Variants in ATF7IP2 observed in about 807,000 individuals in gnomAD.
The protein encoded by ATF7IP2 is activating transcription factor 7 interacting protein 2, also known as activating transcription factor 7-interacting protein 2.
ATF7IP2 carries 42 observed loss-of-function variants against 64.2 expected under a neutral mutation model. The observed-to-expected ratio is 0.65, with a 90% CI of 0.51 to 0.85. The LOEUF (loss-of-function observed/expected upper bound fraction) is 0.85, where lower values mean the gene tolerates loss of function less well. ATF7IP2 is among the 40% of genes least tolerant of loss of function. The pLI, the probability that ATF7IP2 is intolerant of heterozygous loss-of-function variation, is 0.00. For synonymous variants in ATF7IP2, 308 were observed against 272.8 expected (o/e 1.13, Z -1.27); for missense variants, 933 against 784.2 (o/e 1.19, Z -2.27).
Position 10,483,105 on chromosome 16 carries a change from G to A in ATF7IP2, c.*856G>A, listed in dbSNP as rs932966704. On this transcript the variant is annotated 3_prime_UTR_variant, in exon 14 of 14. Coordinates refer to ENST00000562102, the MANE Select transcript of ATF7IP2 (RefSeq NM_001393719.1). ...ATTCATTTGTGCTCTCCTCTTTTTT[G>A]TTTTGTTTTGCACTTTGTCAATCAT... 3.3e-5 allele frequency: 5 copies of A among 152,026 alleles called. No homozygotes were observed. The highest frequency in any genetic ancestry group is 5.9e-5 in the Non-Finnish European group (4 of 67,976). 9.4% of individuals were successfully genotyped at this position (152,026 alleles called of 1,614,324 possible).
At chr16:10,413,139 A>G (rs2047804457) in intron 1 of ATF7IP2, among the ~76,000 whole-genome samples, 1 of 152,050 alleles carries the variant, frequency 6.6e-6, no homozygotes, top group African/African-American at 2.4e-5. Context: ...TTTTAAGTGG[A>G]GCATTTAGGC....
chr16:10,437,553 T>C (rs1256970225), intron 6 of ATF7IP2, among the ~76,000 whole-genome samples: 1 of 152,242 alleles, frequency 6.6e-6, no homozygotes, highest in African/African-American at 2.4e-5. Context: ...GTTCAACATT[T>C]ATTATATTAT....
chr16:10,430,826 C>G lies in ATF7IP2; in HGVS notation c.206C>G (p.Pro69Arg). The change falls in exon 5 of 14, where the codon CCT (proline) becomes CGT (arginine). Residue 69 changes from proline to arginine, a missense_variant. Coordinates refer to ENST00000562102, the MANE Select transcript of ATF7IP2 (RefSeq NM_001393719.1). ...TRTTEITKCS[P>R]SENGASSLDS... The stretch of plus-strand genomic sequence containing the variant: ...ACGACTGAAATAACCAAATGTAGCC[C>G]TTCTGAAAATGGTGCATCCTCATTG... The G allele has an allele frequency of 6.2e-7, 1 of 1,614,014 alleles. No homozygotes were observed. Among genetic ancestry groups the G allele is most frequent in the Non-Finnish European group, 8.5e-7 (1 of 1,179,926 alleles).
chr16:10,459,041 A>G (rs1434840280), intron 9 of ATF7IP2, among the ~76,000 whole-genome samples: 1 of 150,272 alleles, frequency 6.7e-6, no homozygotes, highest in Non-Finnish European at 1.5e-5. Context: ...AATAATAATA[A>G]TACAAAAATT....
chr16:10,434,861 A>AG (rs2048367070), intron 6 of ATF7IP2, among the ~76,000 whole-genome samples: 1 of 152,194 alleles, frequency 6.6e-6, no homozygotes, highest in African/African-American at 2.4e-5. Flanking sequence ...GCAGTGGCAC[A>AG]GTCTCGGCTC....
At position 10,431,139 on chromosome 16, in the gene ATF7IP2, A is replaced by G; in HGVS notation, c.519A>G (p.Val173=). The G allele has an allele frequency of 6.2e-7, 1 of 1,614,198 alleles. No individual in the cohort carries two copies. The highest frequency in any genetic ancestry group is 1.1e-5 in the South Asian group (1 of 91,086). The part of the protein sequence containing the change: ...SLKSSCCPPS[V]LSGVVQMPES... ...AGTCCAGTTGCTGTCCACCCAGTGT[A>G]TTGAGTGGTGTTGTTCAGATGCCAG... The change falls in exon 5 of 14, where the codon GTA becomes GTG. Residue 173 remains valine (V), a synonymous_variant. Coordinates refer to ENST00000562102, the MANE Select transcript of ATF7IP2 (RefSeq NM_001393719.1).
At chr16:10,394,446 A>G (rs1229465532) in intron 1 of ATF7IP2, among the ~76,000 whole-genome samples, 2 of 152,232 alleles carry the variant, frequency 1.3e-5, no homozygotes, top group Non-Finnish European at 1.5e-5. Flanking sequence ...GGAGAATTCA[A>G]TACAACACTG....
intron 5 of ATF7IP2, among the ~76,000 whole-genome samples, chr16:10,433,080 C>T (rs993915800): frequency 5.9e-5 from 9 of 151,920 alleles, no homozygotes; most frequent in African/African-American, 1.7e-4. Context: ...TTTGTGGGTA[C>T]GTATTTATGC....
intron 1 of ATF7IP2, chr16:10,386,337 C>A (rs569223586): frequency 6.6e-6 from 1 of 152,424 alleles, no homozygotes; most frequent in East Asian, 1.9e-4. Flanking sequence ...GGCGCGTCTC[C>A]ACCGTTTTCG....
At chr16:10,414,068 C>T (rs1038537618) in intron 1 of ATF7IP2, among the ~76,000 whole-genome samples, 1 of 152,178 alleles carries the variant, frequency 6.6e-6, no homozygotes, top group Non-Finnish European at 1.5e-5. Context: ...CTAGGTGATG[C>T]TCTTTTTGCA....
intron 1 of ATF7IP2, among the ~76,000 whole-genome samples, chr16:10,390,755 C>G (rs2047305341): frequency 6.6e-6 from 1 of 152,078 alleles, no homozygotes. Flanking sequence ...TGCCACTGCA[C>G]TCCAGCTGGG....
intron 9 of ATF7IP2, among the ~76,000 whole-genome samples, chr16:10,464,566 G>A (rs1430675933): frequency 6.6e-6 from 1 of 152,118 alleles, no homozygotes; most frequent in Non-Finnish European, 1.5e-5. Flanking sequence ...TGCTTAAGTT[G>A]GAAGGAAATG....
intron 9 of ATF7IP2, among the ~76,000 whole-genome samples, chr16:10,464,141 A>G (rs998893796): frequency 1.5e-4 from 23 of 152,354 alleles, no homozygotes; most frequent in African/African-American, 5.3e-4. Context: ...AATGTCTTCA[A>G]ATAGATATTT....
intron 5 of ATF7IP2, among the ~76,000 whole-genome samples, chr16:10,432,856 C>T (rs995059561): frequency 2.0e-5 from 3 of 150,038 alleles, no homozygotes; most frequent in Admixed American, 1.3e-4. Context: ...CTTGCCTGGG[C>T]GACAAGAGTG....
chr16:10,395,748 A>G (rs1009958147), intron 1 of ATF7IP2, among the ~76,000 whole-genome samples: 6 of 152,208 alleles, frequency 3.9e-5, no homozygotes, highest in African/African-American at 1.4e-4. Context: ...TAAAAACATT[A>G]AACAATAGGG....
At chr16:10,397,857 C>CAA (rs529674439) in intron 1 of ATF7IP2, among the ~76,000 whole-genome samples, 152 of 65,162 alleles carry the variant, frequency 2.3e-3, no homozygotes, top group Middle Eastern at 0.01. Context: ...GACCTCATTT[C>CAA]AAAAAAAAAA....
intron 8 of ATF7IP2, among the ~76,000 whole-genome samples, chr16:10,441,327 C>T (rs1227739356): frequency 6.6e-6 from 1 of 152,226 alleles, no homozygotes; most frequent in African/African-American, 2.4e-5. Context: ...GGAATCGCCA[C>T]ACTGTCTTCC....
intron 12 of ATF7IP2, among the ~76,000 whole-genome samples, chr16:10,479,379 TACTC>T (rs1216629632): frequency 1.3e-5 from 2 of 152,160 alleles, no homozygotes; most frequent in East Asian, 1.9e-4. Context: ...GAAATCATCA[TACTC>T]AGTAAACTAT....
At chr16:10,394,933 TG>T (rs1308434877) in intron 1 of ATF7IP2, among the ~76,000 whole-genome samples, 5 of 151,980 alleles carry the variant, frequency 3.3e-5, no homozygotes, top group South Asian at 4.2e-4. Context: ...TAAGAAAAAC[TG>T]GAACTAGAAG....
Sources: gnomAD v4.1 joint callset for allele counts (sites outside exome capture counted in the v4.1 genomes callset) on GRCh38, gnomAD v4.1.1 for gene constraint, MANE v1.5 for transcripts, NCBI Gene and HGNC (gene_info 2026-07-23, HGNC 2026-07-21) for gene names.